The following NFATC3 variants were observed in gnomAD, a reference collection of about 807,000 sequenced individuals.
NFATC3 encodes nuclear factor of activated T-cells, cytoplasmic 3.
In NFATC3, 46 loss-of-function variants were observed where a neutral mutation model predicts 98.6. The observed-to-expected ratio is 0.47, with a 90% CI of 0.37 to 0.60. NFATC3 has a LOEUF of 0.60. Among genes scored for constraint, NFATC3 ranks in the 20% least tolerant of loss-of-function variants. The pLI, the probability that NFATC3 is intolerant of heterozygous loss-of-function variation, is 0.00. For synonymous variants in NFATC3, 512 were observed against 472.2 expected, an observed-to-expected ratio of 1.08 and a Z score of -1.09; for missense variants, 1,256 against 1,295.5, an observed-to-expected ratio of 0.97 and a Z score of 0.47.
intron 2 of NFATC3, among the ~76,000 whole-genome samples, chr16:68,124,712 C>T (rs900092594): frequency 6.6e-6 from 1 of 151,790 alleles, no homozygotes; most frequent in Non-Finnish European, 1.5e-5. Flanking sequence ...GGATTACAGG[C>T]GTGAGCCACC....
chr16:68,211,148 T>C (rs1462454924), intron 9 of NFATC3, among the ~76,000 whole-genome samples: 1 of 152,050 alleles, frequency 6.6e-6, no homozygotes, highest in Non-Finnish European at 1.5e-5. Flanking sequence ...TGTTTCCTTT[T>C]CTTTAATCTT....
intron 2 of NFATC3, among the ~76,000 whole-genome samples, chr16:68,125,401 A>G (rs2036781711): frequency 6.6e-6 from 1 of 152,224 alleles, no homozygotes; most frequent in African/African-American, 2.4e-5. Context: ...AGCAATTTAA[A>G]TTGTCTTACT....
At chr16:68,114,576 CTT>C (rs766989438) in intron 1 of NFATC3, among the ~76,000 whole-genome samples, 17 of 136,720 alleles carry the variant, frequency 1.2e-4, no homozygotes, top group Admixed American at 2.2e-4. Flanking sequence ...AGGAAAAGCA[CTT>C]TTTTTTTTTT....
chr16:68,121,186 A>G (rs2036554177), intron 1 of NFATC3, among the ~76,000 whole-genome samples: 1 of 145,762 alleles, frequency 6.9e-6, no homozygotes, highest in South Asian at 2.1e-4. Context: ...TTTCAGCTAC[A>G]TTGAGTTGGA....
chr16:68,131,101 T>TTGA (rs1229049667), intron 3 of NFATC3, among the ~76,000 whole-genome samples: 2 of 152,170 alleles, frequency 1.3e-5, no homozygotes, highest in African/African-American at 2.4e-5. Flanking sequence ...GTTTTGTTCT[T>TTGA]TTTGTTCAGT....
intron 8 of NFATC3, among the ~76,000 whole-genome samples, chr16:68,186,686 T>A (rs1252002700): frequency 6.6e-6 from 1 of 152,218 alleles, no homozygotes; most frequent in East Asian, 1.9e-4. Context: ...CCATATATAG[T>A]TTTGTAACTG....
At chr16:68,118,230 C>G (rs1014514179) in intron 1 of NFATC3, among the ~76,000 whole-genome samples, 1 of 152,178 alleles carries the variant, frequency 6.6e-6, no homozygotes, top group African/African-American at 2.4e-5. Context: ...CTCAAAAAGG[C>G]CATCTCTGTA....
At chr16:68,151,118 G>T (rs149682184) in intron 3 of NFATC3, among the ~76,000 whole-genome samples, 13 of 152,206 alleles carry the variant, frequency 8.5e-5, no homozygotes, top group African/African-American at 2.6e-4. Flanking sequence ...TACTTGGGTG[G>T]CTGAGGCAGG....
chr16:68,163,342 G>T (rs537011977), intron 4 of NFATC3, among the ~76,000 whole-genome samples: 19 of 148,220 alleles, frequency 1.3e-4, no homozygotes, highest in African/African-American at 4.7e-4. Context: ...CACCTCCCGG[G>T]CGGGGCGGCT....
chr16:68,223,258 A>C (rs1377444019), intron 9 of NFATC3, among the ~76,000 whole-genome samples: 1 of 152,230 alleles, frequency 6.6e-6, no homozygotes, highest in Non-Finnish European at 1.5e-5. Flanking sequence ...CTGACAGGTC[A>C]GGCACAATGG....
At chr16:68,214,399 C>G (rs756996440) in intron 9 of NFATC3, 24 of 1,614,172 alleles carry the variant, frequency 1.5e-5, no homozygotes, top group Non-Finnish European at 1.9e-5. Context: ...ACAGTGTGCT[C>G]TCATGTCCAG....
At chr16:68,088,305 G>A (rs1468662142) in intron 1 of NFATC3, among the ~76,000 whole-genome samples, 1 of 147,470 alleles carries the variant, frequency 6.8e-6, no homozygotes, top group African/African-American at 2.5e-5. Context: ...CTAGCACAGT[G>A]CCTTTACATA....
intron 1 of NFATC3, among the ~76,000 whole-genome samples, chr16:68,099,634 A>T (rs111862486): frequency 0.014 from 2,185 of 150,750 alleles, 51 homozygotes; most frequent in African/African-American, 0.049. Context: ...ATAATAATAA[A>T]AAATATAGAA....
intron 3 of NFATC3, among the ~76,000 whole-genome samples, chr16:68,133,826 A>T (rs2037243235): frequency 6.6e-6 from 1 of 151,014 alleles, no homozygotes. Context: ...TTTCATGGAC[A>T]TTTGATTTGT....
intron 8 of NFATC3, among the ~76,000 whole-genome samples, chr16:68,188,263 T>A (rs1324761846): frequency 6.6e-6 from 1 of 152,144 alleles, no homozygotes; most frequent in Non-Finnish European, 1.5e-5. Context: ...TAGGCAGAGA[T>A]GCCTAGGTCA....
At chr16:68,117,475 G>A (rs886757753) in intron 1 of NFATC3, among the ~76,000 whole-genome samples, 2 of 152,120 alleles carry the variant, frequency 1.3e-5, no homozygotes, top group African/African-American at 2.4e-5. Context: ...TTACTCAGGA[G>A]TAACATAGAT....
At chr16:68,206,333 C>T (rs1460330895) in intron 9 of NFATC3, among the ~76,000 whole-genome samples, 2 of 152,166 alleles carry the variant, frequency 1.3e-5, no homozygotes, top group Non-Finnish European at 2.9e-5. Context: ...ACCACCACCA[C>T]TTTCTATTTC....
intron 1 of NFATC3, among the ~76,000 whole-genome samples, chr16:68,118,179 G>A (rs898732980): frequency 3.3e-5 from 5 of 152,162 alleles, no homozygotes; most frequent in South Asian, 2.1e-4. Context: ...TTGCTTGCTG[G>A]TTCCTATTTA....
intron 6 of NFATC3, among the ~76,000 whole-genome samples, chr16:68,177,724 A>G (rs2039779315): frequency 1.3e-5 from 2 of 151,598 alleles, no homozygotes; most frequent in Non-Finnish European, 2.9e-5. Flanking sequence ...TTTCTACTGG[A>G]TCCTTCTTCT....
Sources: allele counts gnomAD v4.1 joint callset (sites outside exome capture counted in the v4.1 genomes callset), GRCh38; gene constraint gnomAD v4.1.1; transcripts MANE v1.5; gene names NCBI Gene and HGNC (gene_info 2026-07-23, HGNC 2026-07-21).